Variants in ANKRD18B observed in about 807,000 individuals in gnomAD.
ANKRD18B encodes ankyrin repeat domain 18B.
Under a neutral mutation model 111.8 loss-of-function variants are expected in ANKRD18B, and 75 were observed. The ratio of observed to expected loss-of-function variants is 0.67; its 90% confidence interval spans 0.56 to 0.81. The LOEUF (loss-of-function observed/expected upper bound fraction) is 0.81, where lower values mean the gene tolerates loss of function less well. ANKRD18B is among the 40% of genes least tolerant of loss of function. ANKRD18B has a pLI of 0.00. For missense variants in ANKRD18B, 1,038 were observed against 1,225.5 expected (o/e 0.85, Z 2.28); for synonymous variants, 356 against 417.3 (o/e 0.85, Z 1.79).
intron 10 of ANKRD18B, 146 bp downstream of exon 10, chr9:33,543,401 AGCC>A: frequency 1.4e-6 from 1 of 730,642 alleles, no homozygotes; most frequent in Non-Finnish European, 2.1e-6. Flanking sequence ...AAAATATTTT[AGCC>A]TGTTATAAAA....
chr9:33,561,410 G>C (rs144953805), intron 14 of ANKRD18B, among the ~76,000 whole-genome samples: 3 of 152,096 alleles, frequency 2.0e-5, no homozygotes, highest in Non-Finnish European at 4.4e-5. Context: ...TAATGGCAAG[G>C]GTTCTTTATA....
intron 16 of ANKRD18B, 101 bp downstream of exon 16, chr9:33,567,415 G>A: frequency 4.0e-6 from 4 of 999,266 alleles, no homozygotes; most frequent in South Asian, 1.7e-5. Context: ...AGTAGGAAGT[G>A]AATGCTAATT....
chr9:33,573,696 G>A (rs1828818934), downstream of ANKRD18B, among the ~76,000 whole-genome samples: 1 of 142,386 alleles, frequency 7.0e-6, no homozygotes, highest in East Asian at 2.1e-4. Flanking sequence ...CACATGCAGG[G>A]AGGGAGGGTC....
chr9:33,549,805 G>A (rs1405529489), intron 11 of ANKRD18B, among the ~76,000 whole-genome samples: 2 of 152,120 alleles, frequency 1.3e-5, no homozygotes, highest in Non-Finnish European at 1.5e-5. Flanking sequence ...TTGATGTAAT[G>A]TTTCCACTGG....
At chr9:33,530,567 C>T (rs1429337503) in intron 3 of ANKRD18B, among the ~76,000 whole-genome samples, 1 of 146,392 alleles carries the variant, frequency 6.8e-6, no homozygotes, top group Admixed American at 6.8e-5. Context: ...TTCGAATACA[C>T]TCCTGATTAA....
At chr9:33,564,227 T>G (rs1477514714) in intron 14 of ANKRD18B, among the ~76,000 whole-genome samples, 1 of 152,240 alleles carries the variant, frequency 6.6e-6, no homozygotes, top group Non-Finnish European at 1.5e-5. Context: ...TTCAAAGTGC[T>G]AGGAAATTAC....
At chr9:33,547,895 A>T (rs1214413377) in intron 10 of ANKRD18B, 43 bp from the exon 11 acceptor site, 1 of 1,264,746 alleles carries the variant, frequency 7.9e-7, no homozygotes, top group Non-Finnish European at 1.1e-6. Context: ...ACCATCATAG[A>T]TTATTTTGAG....
rs745627770 is a variant in ANKRD18B, at chr9:33,543,275, T to G, written c.1149+20T>G. 2 of 1,531,974 alleles carry G rather than the reference T, an allele frequency of 1.3e-6. No individual in the cohort carries two copies. The highest frequency in any genetic ancestry group is 4.9e-5 in the East Asian group (2 of 40,716). 94.9% of individuals were successfully genotyped at this position (1,531,974 alleles called of 1,614,324 possible). On this transcript the variant is annotated intron_variant, in intron 10 of 18. Coordinates refer to ENST00000684830, the MANE Select transcript of ANKRD18B (RefSeq NM_001393611.1). Reference sequence around the variant, plus strand: ...CCGCAGGTATATAACAATTTAAATTTCTGGTTTAATATTGGTTTGTTTGTT... The same window carrying G: ...CCGCAGGTATATAACAATTTAAATTGCTGGTTTAATATTGGTTTGTTTGTT...
intron 10 of ANKRD18B, among the ~76,000 whole-genome samples, chr9:33,545,590 A>C (rs764063620): frequency 8.5e-5 from 13 of 152,344 alleles, no homozygotes; most frequent in Non-Finnish European, 1.9e-4. Flanking sequence ...AGGGACCCAC[A>C]TATGACAGTC....
In ANKRD18B at chr9:33,548,160, T is replaced by C. The variant is rs1828388886; in HGVS notation, c.1372T>C (p.Tyr458His). The change falls in exon 11 of 19, where the codon TAT (tyrosine) becomes CAT (histidine). Residue 458 changes from tyrosine to histidine, a missense_variant. Transcript: ENST00000684830. ...EEMITKKVAQ[Y>H]SQQLNDLKAE... ...AATGATAACAAAAAAAGTGGCCCAG[T>C]ATTCGCAACAGCTTAATGATCTGAA... The C allele has an allele frequency of 6.5e-7, 1 of 1,540,262 alleles. No homozygotes were observed. The highest frequency in any genetic ancestry group is 1.4e-5 in the African/African-American group (1 of 72,188).
chr9:33,543,249 G>C lies in ANKRD18B; in HGVS notation c.1143G>C (p.Gln381His), dbSNP rs1374556142. The change falls in exon 10 of 19, where the codon CAG (glutamine) becomes CAC (histidine). Residue 381 changes from glutamine (Q) to histidine (H), a missense_variant. By Grantham distance (24) the Gln-to-His change is conservative (BLOSUM62 0). Transcript: ENST00000684830. ...QERLERSENKQPQDSQSYGKK... is the reference protein window; with the variant it reads ...QERLERSENKHPQDSQSYGKK... ...GGCTTGAAAGAAGTGAAAATAAACA[G>C]CCGCAGGTATATAACAATTTAAATT... The C allele has an allele frequency of 6.5e-7, 1 of 1,549,774 alleles. No homozygotes were observed. Among genetic ancestry groups the C allele is most frequent in the Admixed American group, 2.0e-5 (1 of 50,790 alleles).
At chr9:33,574,618 C>A (rs1828834094), downstream of ANKRD18B, 1 of 153,028 alleles carries the variant, frequency 6.5e-6, no homozygotes, top group Non-Finnish European at 1.5e-5. Flanking sequence ...TGGGGAGCAC[C>A]TGTGGGAGGC....
chr9:33,524,630 C>T lies in ANKRD18B; in HGVS notation c.141C>T (p.Ala47=). The change falls in exon 1 of 19, where the codon GCC becomes GCT. Residue 47 remains alanine (A), a synonymous_variant. Coordinates refer to ENST00000684830, the MANE Select transcript of ANKRD18B (RefSeq NM_001393611.1). ...ACAGGGCGGCCATCAAGGGCGACGC[C>T]GCAGAGGTGGAGCACTGCCTGACGC... ...KIHRAAIKGD[A]AEVEHCLTRR... 1 of 1,551,584 alleles carries T rather than the reference C, an allele frequency of 6.4e-7. No homozygotes were observed. The highest frequency in any genetic ancestry group is 8.7e-7 in the Non-Finnish European group (1 of 1,146,904).
intron 16 of ANKRD18B, among the ~76,000 whole-genome samples, chr9:33,567,901 C>T (rs1271957024): frequency 6.6e-6 from 1 of 152,188 alleles, no homozygotes; most frequent in African/African-American, 2.4e-5. Flanking sequence ...AAGGGTAATC[C>T]ACAAGGTGGT....
At chr9:33,560,396 T>A (rs1828589555) in intron 14 of ANKRD18B, among the ~76,000 whole-genome samples, 1 of 152,254 alleles carries the variant, frequency 6.6e-6, no homozygotes, top group Non-Finnish European at 1.5e-5. Flanking sequence ...TCCAGTCTGC[T>A]GCTGGCATGT....
At chr9:33,535,682 T>C (rs1828187134) in intron 5 of ANKRD18B, among the ~76,000 whole-genome samples, 1 of 147,318 alleles carries the variant, frequency 6.8e-6, no homozygotes, top group Non-Finnish European at 1.5e-5. Context: ...ATATAATTAT[T>C]GTATATTATA....
At chr9:33,571,223 ATT>A (rs3033567) in intron 17 of ANKRD18B, 21 bp from the exon 18 acceptor site, 30,400 of 800,472 alleles carry the variant, frequency 0.038, 800 homozygotes, top group East Asian at 0.23. Flanking sequence ...CATTATTATT[ATT>A]TTTTTTTTTA....
chr9:33,548,724 A>G lies in ANKRD18B; in HGVS notation c.1936A>G (p.Asn646Asp). ...AGGTGATAATAAAGAGATAGTCATT[A>G]ATATCCACAGAGACTGTCTTGAGAA... ...KEGDNKEIVINIHRDCLENGK... is the reference protein window; with the variant it reads ...KEGDNKEIVIDIHRDCLENGK... The change falls in exon 11 of 19, where the codon AAT becomes GAT. Residue 646 changes from asparagine (N) to aspartate (D), a missense_variant. Physicochemically the swap from Asn to Asp is conservative, Grantham distance 23. Around this residue, in one of 4 missense-constraint regions of ANKRD18B, gnomAD observed 524 missense variants for 677.9 expected, o/e 0.77. Transcript: ENST00000684830. 6.4e-7 allele frequency: 1 copy of G among 1,551,162 alleles called. No individual in the cohort carries two copies. Among genetic ancestry groups the G allele is most frequent in the South Asian group, 1.2e-5 (1 of 84,022 alleles).
At chr9:33,569,261 C>CTTTT (rs67285532) in intron 17 of ANKRD18B, 9 of 98,524 alleles carry the variant, frequency 9.1e-5, no homozygotes, top group African/African-American at 1.4e-4. Flanking sequence ...GTTCATATCA[C>CTTTT]TTTTTTTTTT....
Sources: allele counts gnomAD v4.1 joint callset (sites outside exome capture counted in the v4.1 genomes callset), GRCh38; gene constraint gnomAD v4.1.1; regional missense constraint gnomAD v4.1.1; transcripts MANE v1.5; gene names NCBI Gene and HGNC (gene_info 2026-07-23, HGNC 2026-07-21).